Variants in LAMA3 observed in about 807,000 individuals in gnomAD.
LAMA3 encodes the protein laminin subunit alpha-3.
A neutral mutation model predicts 402.0 loss-of-function variants in LAMA3; 281 were observed. The ratio of observed to expected loss-of-function variants is 0.70; its 90% confidence interval spans 0.63 to 0.77. The LOEUF is 0.77. Among genes scored for constraint, LAMA3 ranks in the 30% least tolerant of loss-of-function variants. LAMA3 has a pLI of 0.00. For missense variants in LAMA3, 3,840 were observed against 4,215.5 expected, an observed-to-expected ratio of 0.91 and a Z score of 2.47; for synonymous variants, 1,431 against 1,558.4, an observed-to-expected ratio of 0.92 and a Z score of 1.93.
chr18:23,899,307 T>C lies in LAMA3; in HGVS notation c.5856T>C (p.Ser1952=), dbSNP rs1310041173. Residue 1952 remains serine (S), a synonymous_variant, in exon 47 of 75, where the codon TCT becomes TCC. Transcript: ENST00000313654. ...TCCTAGTTCTTTTAAAGCAGATCTC[T>C]GGGACAGATGGAGAGGGAAACAACG... ...RNVHILLKQI[S]GTDGEGNNVP... 4 of 1,614,056 alleles carry C rather than the reference T, an allele frequency of 2.5e-6. No individual in the cohort carries two copies. The highest frequency in any genetic ancestry group is 3.4e-6 in the Non-Finnish European group (4 of 1,179,972).
intron 29 of LAMA3, among the ~76,000 whole-genome samples, chr18:23,844,387 A>T (rs1400646658): frequency 1.3e-5 from 2 of 152,218 alleles, no homozygotes; most frequent in East Asian, 3.8e-4. Flanking sequence ...CCCTTTAAAA[A>T]TACAAAACAG....
At chr18:23,724,134 G>C (rs1431229857) in intron 2 of LAMA3, among the ~76,000 whole-genome samples, 1 of 152,052 alleles carries the variant, frequency 6.6e-6, no homozygotes, top group Non-Finnish European at 1.5e-5. Flanking sequence ...TACGATATTT[G>C]GTTTTCCATT....
chr18:23,715,538 G>T (rs962271059), intron 2 of LAMA3, among the ~76,000 whole-genome samples: 1 of 152,170 alleles, frequency 6.6e-6, no homozygotes, highest in Non-Finnish European at 1.5e-5. Context: ...AATTTTAAGA[G>T]TTCTGCTCAA....
intron 34 of LAMA3, among the ~76,000 whole-genome samples, chr18:23,859,189 A>G (rs2144724017): frequency 6.6e-6 from 1 of 152,362 alleles, no homozygotes; most frequent in East Asian, 1.9e-4. Flanking sequence ...TAGATGCCCA[A>G]TAAATCTCAT....
intron 38 of LAMA3, among the ~76,000 whole-genome samples, chr18:23,874,361 C>T (rs983127752): frequency 3.3e-5 from 5 of 152,224 alleles, no homozygotes; most frequent in Admixed American, 2.6e-4. Context: ...ATGTAAATCT[C>T]AATTGTGCTT....
chr18:23,705,289 G>C (rs1350819000), intron 1 of LAMA3, among the ~76,000 whole-genome samples: 1 of 151,754 alleles, frequency 6.6e-6, no homozygotes, highest in African/African-American at 2.4e-5. Flanking sequence ...TTTATTTATG[G>C]GTGTTTTTAA....
At chr18:23,726,784 A>G (rs2061308126) in intron 2 of LAMA3, among the ~76,000 whole-genome samples, 1 of 151,804 alleles carries the variant, frequency 6.6e-6, no homozygotes, top group Non-Finnish European at 1.5e-5. Context: ...CGCCTGGCTA[A>G]TTTTTGTATT....
At chr18:23,954,421 A>T (rs77637495) in intron 74 of LAMA3, 82 bp from the exon 75 acceptor site, 1 of 1,263,348 alleles carries the variant, frequency 7.9e-7, no homozygotes, top group Non-Finnish European at 1.1e-6. Flanking sequence ...AAAAAAAAAA[A>T]AATACTATCT....
At chr18:23,813,589 G>T (rs1303052166) in intron 14 of LAMA3, among the ~76,000 whole-genome samples, 1 of 139,004 alleles carries the variant, frequency 7.2e-6, no homozygotes, top group Non-Finnish European at 1.5e-5. Context: ...TGTCGCCCAG[G>T]CCGGAGTGCA....
At chr18:23,938,093 T>G (rs1325175629) in intron 67 of LAMA3, among the ~76,000 whole-genome samples, 1 of 152,204 alleles carries the variant, frequency 6.6e-6, no homozygotes, top group Non-Finnish European at 1.5e-5. Flanking sequence ...TGGGTGCTTC[T>G]GGGAATCACA....
rs752518922 is a variant in LAMA3, at chr18:23,822,368, A to G, written c.2421A>G (p.Pro807=). The G allele has an allele frequency of 1.9e-6, 3 of 1,613,694 alleles. No homozygotes were observed. The highest frequency in any genetic ancestry group is 2.5e-6 in the Non-Finnish European group (3 of 1,179,734). The part of the protein sequence containing the change: ...EAVSGHITIY[P]SWGAAQSKEI... Reference sequence around the variant, plus strand: ...TATCTGGCCATATAACTATTTATCCATCCTGGGGTAAGGCACGTAGGTAAA... The same window carrying G: ...TATCTGGCCATATAACTATTTATCCGTCCTGGGGTAAGGCACGTAGGTAAA... Residue 807 remains proline (P), a synonymous_variant, in exon 20 of 75, where the codon CCA becomes CCG. Coordinates refer to ENST00000313654, the MANE Select transcript of LAMA3 (RefSeq NM_198129.4).
chr18:23,925,774 C>A (rs889680505), intron 62 of LAMA3, among the ~76,000 whole-genome samples: 2 of 152,154 alleles, frequency 1.3e-5, no homozygotes, highest in African/African-American at 4.8e-5. Context: ...TAACAAGAAT[C>A]CCCCCAGGAA....
chr18:23,901,524 A>G (rs1430836232), intron 48 of LAMA3, among the ~76,000 whole-genome samples: 2 of 152,218 alleles, frequency 1.3e-5, no homozygotes, highest in African/African-American at 4.8e-5. Flanking sequence ...AAGATTCTGA[A>G]CTTAAACCAC....
intron 15 of LAMA3, 141 bp downstream of exon 15, chr18:23,814,643 C>A: frequency 1.5e-6 from 1 of 654,374 alleles, no homozygotes; most frequent in Non-Finnish European, 2.7e-6. Flanking sequence ...GATGTTTTCC[C>A]CCCACTTTTG....
At chr18:23,923,623 C>T (rs1432330084) in intron 62 of LAMA3, among the ~76,000 whole-genome samples, 1 of 152,126 alleles carries the variant, frequency 6.6e-6, no homozygotes, top group Admixed American at 6.5e-5. Flanking sequence ...TGGAGAGGCC[C>T]ACAAGCAGGC....
intron 60 of LAMA3, among the ~76,000 whole-genome samples, 157 bp from the exon 61 acceptor site, chr18:23,920,778 A>T (rs971305622): frequency 6.6e-6 from 1 of 152,154 alleles, no homozygotes; most frequent in Non-Finnish European, 1.5e-5. Context: ...CCATCATCCC[A>T]TCCCGTGAGG....
chr18:23,737,245 C>T (rs1197062858), intron 2 of LAMA3, among the ~76,000 whole-genome samples: 1 of 152,202 alleles, frequency 6.6e-6, no homozygotes, highest in Non-Finnish European at 1.5e-5. Context: ...CCAGCAGTGA[C>T]ATCCCAGAGC....
At chr18:23,725,296 A>G (rs1282527409) in intron 2 of LAMA3, among the ~76,000 whole-genome samples, 1 of 152,128 alleles carries the variant, frequency 6.6e-6, no homozygotes, top group Non-Finnish European at 1.5e-5. Context: ...TTTTTAGTAG[A>G]GACGGGGTTC....
chr18:23,813,519 T>C (rs1332608137), intron 14 of LAMA3, among the ~76,000 whole-genome samples: 1 of 151,704 alleles, frequency 6.6e-6, no homozygotes. Flanking sequence ...CATGGTATTC[T>C]GAACATTTTT....
Sources: gnomAD v4.1 joint callset for allele counts (sites outside exome capture counted in the v4.1 genomes callset) on GRCh38, gnomAD v4.1.1 for gene constraint, MANE v1.5 for transcripts, NCBI Gene and HGNC (gene_info 2026-07-23, HGNC 2026-07-21) for gene names.